Variants in RBM25 observed in about 807,000 individuals in gnomAD.
The protein encoded by RBM25 is RNA binding motif protein 25, also known as RNA-binding protein 25.
In RBM25, 19 loss-of-function variants were observed where a neutral mutation model predicts 120.7. That is an observed-to-expected ratio of 0.16 (90% CI 0.11 to 0.23). The LOEUF (loss-of-function observed/expected upper bound fraction) is 0.23. Among genes scored for constraint, RBM25 ranks in the 10% least tolerant of loss-of-function variants. The pLI is 1.00. For missense variants in RBM25, 605 were observed against 1,041.5 expected, an observed-to-expected ratio of 0.58 and a Z score of 5.77; for synonymous variants, 390 against 326.7, an observed-to-expected ratio of 1.19 and a Z score of -2.09.
chr14:73,092,880 TAAG>T (rs1190788040), intron 6 of RBM25, among the ~76,000 whole-genome samples: 2 of 152,292 alleles, frequency 1.3e-5, no homozygotes, highest in African/African-American at 2.4e-5. Flanking sequence ...TTCAGAATTT[TAAG>T]AAGAATTTTG....
intron 2 of RBM25, among the ~76,000 whole-genome samples, chr14:73,074,263 G>T (rs1895360446): frequency 6.6e-6 from 1 of 151,980 alleles, no homozygotes; most frequent in South Asian, 2.1e-4. Context: ...TTGTCTCCCA[G>T]GCTGGGGGTA....
At position 73,076,327 on chromosome 14, in the gene RBM25, A is replaced by G. The variant is rs764027495; in HGVS notation, c.115A>G (p.Met39Val). Reference sequence around the variant, plus strand: ...GGTTTTTCTTTTCTTAGGGACCCCAATGATTCCTGTACCAATGAGCATTAT... The same window carrying G: ...GGTTTTTCTTTTCTTAGGGACCCCAGTGATTCCTGTACCAATGAGCATTAT... The part of the protein sequence containing the change: ...FPPPVPPGTP[M>V]IPVPMSIMAP... The change falls in exon 3 of 19, where the codon ATG (methionine) becomes GTG (valine). Residue 39 changes from methionine (M) to valine (V), a missense_variant. By Grantham distance (21) the Met-to-Val change is conservative. Coordinates refer to ENST00000261973, the MANE Select transcript of RBM25 (RefSeq NM_021239.3). 5.6e-6 allele frequency: 9 copies of G among 1,612,246 alleles called. No homozygotes were observed. Among genetic ancestry groups the G allele is most frequent in the Middle Eastern group, 1.6e-4 (1 of 6,080 alleles).
At position 73,101,644 on chromosome 14, in the gene RBM25, A is replaced by G. The variant is rs138132848; in HGVS notation, c.868-1548A>G. 200 of 152,166 alleles carry G rather than the reference A, an allele frequency of 1.3e-3. 2 individuals are homozygous for G. Among genetic ancestry groups the G allele is most frequent in the African/African-American group, 4.5e-3 (189 of 41,544 alleles). 9.4% of individuals were successfully genotyped at this position (152,166 alleles called of 1,614,324 possible). A position where few individuals can be genotyped will look rare whatever the true frequency, so the allele number is the denominator to read the frequency against. On this transcript the variant is annotated intron_variant, in intron 9 of 18. Coordinates refer to ENST00000261973, the MANE Select transcript of RBM25 (RefSeq NM_021239.3). ...TTCTGAAACAAATGGTTATTTATAT[A>G]ACTGAATATAAGGAGCACAGTGAAA...
At chr14:73,082,015 A>G (rs1400457311) in intron 4 of RBM25, among the ~76,000 whole-genome samples, 2 of 152,062 alleles carry the variant, frequency 1.3e-5, no homozygotes, top group Non-Finnish European at 2.9e-5. Context: ...TCAGGAGAAA[A>G]TTTTGAGCTA....
chr14:73,109,724 C>T (rs561081936), intron 14 of RBM25, among the ~76,000 whole-genome samples: 10 of 152,014 alleles, frequency 6.6e-5, no homozygotes, highest in African/African-American at 2.2e-4. Flanking sequence ...ACCCGGGAGG[C>T]GGAGCTTGCA....
At chr14:73,074,169 T>G (rs1483428120) in intron 2 of RBM25, among the ~76,000 whole-genome samples, 1 of 152,236 alleles carries the variant, frequency 6.6e-6, no homozygotes, top group African/African-American at 2.4e-5. Context: ...TATATCCTGA[T>G]TTTCTTCATA....
At chr14:73,098,919 AAGG>A (rs1896005671) in intron 7 of RBM25, among the ~76,000 whole-genome samples, 1 of 152,144 alleles carries the variant, frequency 6.6e-6, no homozygotes, top group Admixed American at 6.5e-5. Flanking sequence ...TAACTTTTCT[AAGG>A]AGGTGTATTC....
In RBM25 at chr14:73,076,357, CCTG is replaced by C. The variant is rs1210691898; in HGVS notation, c.148_150del (p.Ala50del). On this transcript the variant is annotated inframe_deletion, in exon 3 of 19. Transcript: ENST00000261973. ...TCCTGTACCAATGAGCATTATGGCT[CCTG>C]CTCCAACTGTAAGTATAACTTAAAG... 7.4e-6 allele frequency: 12 copies of C among 1,611,740 alleles called. No homozygotes were observed. Among genetic ancestry groups the C allele is most frequent in the Non-Finnish European group, 1.0e-5 (12 of 1,177,980 alleles).
intron 6 of RBM25, among the ~76,000 whole-genome samples, chr14:73,093,654 C>T (rs1895866349): frequency 6.6e-6 from 1 of 151,932 alleles, no homozygotes; most frequent in South Asian, 2.1e-4. Flanking sequence ...GTACAGGCAC[C>T]CGCCACCACG....
chr14:73,071,568 G>A, intron 1 of RBM25, 59 bp from the exon 2 acceptor site: 4 of 1,165,288 alleles, frequency 3.4e-6, no homozygotes, highest in Non-Finnish European at 2.5e-6. Context: ...CAACAAAGAA[G>A]GCATATAAAA....
chr14:73,067,733 A>G (rs1895174786), intron 1 of RBM25, among the ~76,000 whole-genome samples: 1 of 149,948 alleles, frequency 6.7e-6, no homozygotes, highest in Non-Finnish European at 1.5e-5. Context: ...CCTCCCTAGT[A>G]GCTGGGACTA....
At chr14:73,075,244 C>T (rs1895389297) in intron 2 of RBM25, among the ~76,000 whole-genome samples, 1 of 151,004 alleles carries the variant, frequency 6.6e-6, no homozygotes, top group Admixed American at 6.6e-5. Context: ...TCACTGCAAC[C>T]TCTGCCTCCC....
intron 6 of RBM25, among the ~76,000 whole-genome samples, chr14:73,090,845 C>T (rs1001723869): frequency 1.3e-5 from 2 of 152,168 alleles, no homozygotes; most frequent in Non-Finnish European, 2.9e-5. Context: ...TTAATAGACG[C>T]TTATCTGTCA....
chr14:73,110,195 T>TC (rs1180055768), intron 14 of RBM25, among the ~76,000 whole-genome samples: 2 of 151,668 alleles, frequency 1.3e-5, no homozygotes, highest in Non-Finnish European at 2.9e-5. Flanking sequence ...TTTTTTTTTT[T>TC]TCCCTGAGAC....
chr14:73,076,356 T>C lies in RBM25; in HGVS notation c.144T>C (p.Ala48=). The stretch of plus-strand genomic sequence containing the variant: ...TTCCTGTACCAATGAGCATTATGGC[T>C]CCTGCTCCAACTGTAAGTATAACTT... The part of the protein sequence containing the change: ...PMIPVPMSIM[A]PAPTVLVPTV... The change falls in exon 3 of 19, where the codon GCT becomes GCC. Residue 48 remains alanine, a synonymous_variant. Transcript: ENST00000261973. 6.2e-7 allele frequency: 1 copy of C among 1,612,188 alleles called. No homozygotes were observed. The highest frequency in any genetic ancestry group is 8.5e-7 in the Non-Finnish European group (1 of 1,178,300).
intron 18 of RBM25, among the ~76,000 whole-genome samples, chr14:73,114,578 T>A (rs1896383230): frequency 6.6e-6 from 1 of 152,156 alleles, no homozygotes; most frequent in Admixed American, 6.6e-5. Flanking sequence ...ACTTTTGAAT[T>A]TGATTCACTT....
chr14:73,122,206 A>C lies in RBM25; in HGVS notation c.*2401A>C, dbSNP rs1251628312. The C allele has an allele frequency of 6.6e-6, 1 of 151,390 alleles. No homozygotes were observed. Among genetic ancestry groups the C allele is most frequent in the Non-Finnish European group, 1.5e-5 (1 of 67,694 alleles). The allele number at this position is 151,390 out of a possible 1,614,324, so 9.4% of individuals were successfully genotyped here. A position where few individuals can be genotyped will look rare whatever the true frequency, so the allele number is the denominator to read the frequency against. On this transcript the variant is annotated 3_prime_UTR_variant, in exon 19 of 19. Coordinates refer to ENST00000261973, the MANE Select transcript of RBM25 (RefSeq NM_021239.3). ...TAATTTTAGTTTGAAAACCTTATAC[A>C]GTATGAATTCATTTTGCCATTTCAA...
chr14:73,114,908 AG>A (rs1466183767), intron 18 of RBM25, among the ~76,000 whole-genome samples: 6 of 152,182 alleles, frequency 3.9e-5, no homozygotes, highest in Non-Finnish European at 5.9e-5. Context: ...TAAATAAATA[AG>A]GCTTCATTCT....
At chr14:73,062,745 A>T (rs1566578867) in intron 1 of RBM25, among the ~76,000 whole-genome samples, 1 of 151,458 alleles carries the variant, frequency 6.6e-6, no homozygotes, top group Non-Finnish European at 1.5e-5. Context: ...TTTTAATTTC[A>T]ATGAGTTTAG....
Sources: gnomAD v4.1 joint callset for allele counts (sites outside exome capture counted in the v4.1 genomes callset) on GRCh38, gnomAD v4.1.1 for gene constraint, MANE v1.5 for transcripts, NCBI Gene and HGNC (gene_info 2026-07-23, HGNC 2026-07-21) for gene names.